PHF21A: variants seen among roughly 807,000 people sequenced by gnomAD.
The protein encoded by PHF21A is BHC80a.
Under a neutral mutation model 82.5 loss-of-function variants are expected in PHF21A, and 11 were observed. The ratio of observed to expected loss-of-function variants is 0.13; its 90% CI spans 0.08 to 0.22. PHF21A has a LOEUF of 0.22. Ranked by LOEUF, PHF21A falls within the 10% of genes least tolerant of loss-of-function variation. The probability of loss-of-function intolerance (pLI) is 1.00; values close to 1 mark genes in which losing one functional copy is unlikely to be tolerated. For synonymous variants in PHF21A, 297 were observed against 302.8 expected (o/e 0.98, Z 0.20); for missense variants, 579 against 837.8 (o/e 0.69, Z 3.81).
At chr11:46,033,054 T>C (rs1233158857) in intron 6 of PHF21A, among the ~76,000 whole-genome samples, 2 of 152,224 alleles carry the variant, frequency 1.3e-5, no homozygotes, top group African/African-American at 4.8e-5. Context: ...ACCACTTATA[T>C]AATTATCCAT....
chr11:46,034,361 G>C (rs2095941790), intron 6 of PHF21A, among the ~76,000 whole-genome samples: 1 of 151,608 alleles, frequency 6.6e-6, no homozygotes, highest in African/African-American at 2.4e-5. Context: ...TGCTGTTTTT[G>C]CAATTTTGCT....
chr11:45,971,886 C>CT (rs1439933821), intron 7 of PHF21A, among the ~76,000 whole-genome samples: 4 of 3,924 alleles, frequency 1.0e-3, no homozygotes, highest in African/African-American at 2.7e-3. Flanking sequence ...GTGTCTTTTT[C>CT]TTTCTTTTTT....
At chr11:46,001,583 T>G (rs2095133477) in intron 6 of PHF21A, among the ~76,000 whole-genome samples, 1 of 152,130 alleles carries the variant, frequency 6.6e-6, no homozygotes, top group Non-Finnish European at 1.5e-5. Flanking sequence ...AATTTTTGTA[T>G]AAGAAAAGAA....
chr11:46,022,656 C>G (rs2095654313), intron 6 of PHF21A, among the ~76,000 whole-genome samples: 1 of 152,102 alleles, frequency 6.6e-6, no homozygotes, highest in African/African-American at 2.4e-5. Flanking sequence ...GAGACAAGGT[C>G]TCACTATGTT....
At chr11:46,016,549 C>G (rs1443906857) in intron 6 of PHF21A, among the ~76,000 whole-genome samples, 1 of 152,178 alleles carries the variant, frequency 6.6e-6, no homozygotes, top group Non-Finnish European at 1.5e-5. Context: ...CCATTTCTTA[C>G]ATAAACCCTT....
intron 4 of PHF21A, among the ~76,000 whole-genome samples, chr11:46,083,244 C>A (rs940400188): frequency 6.6e-6 from 1 of 151,874 alleles, no homozygotes; most frequent in African/African-American, 2.4e-5. Context: ...TGCAGCGGAA[C>A]AAGAGTTTAA....
intron 6 of PHF21A, among the ~76,000 whole-genome samples, chr11:46,000,379 T>C (rs1227908285): frequency 2.0e-5 from 3 of 152,224 alleles, no homozygotes; most frequent in East Asian, 1.9e-4. Context: ...CAAGATATGA[T>C]AGTACTCATA....
chr11:45,977,445 T>C (rs1274060310), intron 7 of PHF21A, among the ~76,000 whole-genome samples: 1 of 152,118 alleles, frequency 6.6e-6, no homozygotes, highest in African/African-American at 2.4e-5. Flanking sequence ...CCTCCTTTGA[T>C]TTTTATAACA....
intron 7 of PHF21A, among the ~76,000 whole-genome samples, chr11:45,973,747 T>C (rs1339665936): frequency 6.6e-6 from 1 of 152,240 alleles, no homozygotes; most frequent in Non-Finnish European, 1.5e-5. Flanking sequence ...ATTTAAAACA[T>C]GTCGATTTAA....
intron 6 of PHF21A, among the ~76,000 whole-genome samples, chr11:46,051,371 T>G (rs979175791): frequency 6.6e-6 from 1 of 152,172 alleles, no homozygotes; most frequent in African/African-American, 2.4e-5. Flanking sequence ...TTAGGTCATT[T>G]TTATTCTTGT....
chr11:46,026,939 T>C (rs990331961), intron 6 of PHF21A: 7 of 152,168 alleles, frequency 4.6e-5, no homozygotes, highest in East Asian at 1.9e-4. Flanking sequence ...TGTTGAGTGT[T>C]TGGAACACAG....
intron 16 of PHF21A, 73 bp downstream of exon 16, chr11:45,938,084 G>T: frequency 7.6e-7 from 1 of 1,318,020 alleles, no homozygotes; most frequent in Non-Finnish European, 1.0e-6. Flanking sequence ...CATTTCCCCG[G>T]GAAAGGAATT....
At chr11:46,047,369 G>A (rs982877682) in intron 6 of PHF21A, among the ~76,000 whole-genome samples, 1 of 152,132 alleles carries the variant, frequency 6.6e-6, no homozygotes, top group African/African-American at 2.4e-5. Flanking sequence ...TTATCATGAA[G>A]CATTTTTATA....
chr11:46,029,042 T>C (rs2095811721), intron 6 of PHF21A, among the ~76,000 whole-genome samples: 1 of 152,262 alleles, frequency 6.6e-6, no homozygotes, highest in Admixed American at 6.5e-5. Flanking sequence ...CATGGTTTAT[T>C]AATCTGACCA....
intron 6 of PHF21A, among the ~76,000 whole-genome samples, chr11:46,056,410 G>A (rs540139370): frequency 1.3e-5 from 2 of 152,088 alleles, no homozygotes; most frequent in Non-Finnish European, 2.9e-5. Context: ...GATGACAAAA[G>A]GAAAACTTTT....
intron 1 of PHF21A, among the ~76,000 whole-genome samples, chr11:46,103,075 C>A (rs563652785): frequency 4.6e-5 from 7 of 152,238 alleles, no homozygotes; most frequent in African/African-American, 1.7e-4. Context: ...TGGACAGGGT[C>A]CTGCAGAGCT....
chr11:46,120,587 T>G (rs1225294695), intron 1 of PHF21A: 1 of 150,666 alleles, frequency 6.6e-6, no homozygotes, highest in African/African-American at 2.4e-5. Context: ...GCCAAGGTTT[T>G]CCCATTGTCT....
chr11:45,963,380 A>G (rs370430136), intron 10 of PHF21A, among the ~76,000 whole-genome samples: 1 of 149,540 alleles, frequency 6.7e-6, no homozygotes, highest in African/African-American at 2.5e-5. Context: ...AGATCCCACC[A>G]TTGCACTCCA....
chr11:45,981,934 G>GT (rs2094305662), intron 6 of PHF21A, among the ~76,000 whole-genome samples: 5 of 88,004 alleles, frequency 5.7e-5, no homozygotes, highest in Non-Finnish European at 7.4e-5. Context: ...CTCTCTTTTT[G>GT]TTTTTCTTTT....
Sources: gnomAD v4.1 joint callset for allele counts (sites outside exome capture counted in the v4.1 genomes callset) on GRCh38, gnomAD v4.1.1 for gene constraint, MANE v1.5 for transcripts, NCBI Gene and HGNC (gene_info 2026-07-23, HGNC 2026-07-21) for gene names.